The following CSMD1 variants were observed in gnomAD, a reference collection of about 807,000 sequenced individuals.
The protein encoded by CSMD1 is CUB and sushi domain-containing protein 1.
CSMD1 carries 213 observed loss-of-function variants against 417.5 expected under a neutral mutation model. The observed-to-expected ratio is 0.51, with a 90% CI of 0.46 to 0.57. The LOEUF (loss-of-function observed/expected upper bound fraction) is 0.57, where lower values mean the gene tolerates loss of function less well. Ranked by LOEUF, CSMD1 falls within the 20% of genes least tolerant of loss-of-function variation. The pLI is 0.00. For missense variants in CSMD1, 6,923 were observed against 4,529.7 expected (o/e 1.53, Z -15.17); for synonymous variants, 2,862 against 1,736.8 (o/e 1.65, Z -16.11).
chr8:4,969,830 T>G (rs1810122498), intron 1 of CSMD1, among the ~76,000 whole-genome samples: 1 of 152,182 alleles, frequency 6.6e-6, no homozygotes, highest in Middle Eastern at 3.4e-3. Context: ...CAGGCAGTAG[T>G]GAATTTTCTC....
chr8:4,158,331 T>C (rs1796952682), intron 3 of CSMD1, among the ~76,000 whole-genome samples: 1 of 151,966 alleles, frequency 6.6e-6, no homozygotes, highest in Non-Finnish European at 1.5e-5. Context: ...TCATCTCTAC[T>C]GCAAAAATAC....
intron 1 of CSMD1, among the ~76,000 whole-genome samples, chr8:4,962,271 C>T (rs1390211773): frequency 1.3e-5 from 2 of 151,842 alleles, no homozygotes; most frequent in Admixed American, 1.3e-4. Flanking sequence ...AGTACAGTGT[C>T]ACAGTCATAG....
intron 20 of CSMD1, among the ~76,000 whole-genome samples, chr8:3,361,853 C>G (rs1441557755): frequency 6.6e-6 from 1 of 152,092 alleles, no homozygotes; most frequent in Non-Finnish European, 1.5e-5. Context: ...AAGCCTGAAA[C>G]AACACCATGA....
chr8:3,653,597 C>T (rs924165144), intron 7 of CSMD1, among the ~76,000 whole-genome samples: 1 of 152,166 alleles, frequency 6.6e-6, no homozygotes, highest in African/African-American at 2.4e-5. Context: ...GTGTGAGCCA[C>T]CCTGCCTGGC....
chr8:3,961,515 C>G (rs1288406575), intron 5 of CSMD1, among the ~76,000 whole-genome samples: 3 of 152,098 alleles, frequency 2.0e-5, no homozygotes, highest in Non-Finnish European at 4.4e-5. Flanking sequence ...AGATTTTGTT[C>G]TTGCTTTGTG....
intron 3 of CSMD1, among the ~76,000 whole-genome samples, chr8:4,084,287 C>T (rs1440225173): frequency 6.8e-6 from 1 of 147,472 alleles, no homozygotes; most frequent in African/African-American, 2.5e-5. Flanking sequence ...AAAAATCTTT[C>T]AACTTTTATG....
intron 1 of CSMD1, among the ~76,000 whole-genome samples, chr8:4,881,815 T>C (rs1585257503): frequency 2.0e-5 from 3 of 152,070 alleles, no homozygotes; most frequent in Admixed American, 2.0e-4. Context: ...GATTTGGGCC[T>C]ATAAGTAAAA....
chr8:4,232,453 A>C (rs28573165), intron 3 of CSMD1, among the ~76,000 whole-genome samples: 72,448 of 151,938 alleles, frequency 0.48, 18,355 homozygotes, highest in East Asian at 0.71. Flanking sequence ...CCCACCTCAG[A>C]TTCCCAAAGT....
chr8:3,529,136 C>T (rs551892182), intron 10 of CSMD1, among the ~76,000 whole-genome samples: 34 of 152,136 alleles, frequency 2.2e-4, no homozygotes, highest in Non-Finnish European at 4.9e-4. Context: ...TTAAAATATC[C>T]AATTGTGTAG....
chr8:4,071,207 C>T (rs2740870), intron 3 of CSMD1, among the ~76,000 whole-genome samples: 75,024 of 151,792 alleles, frequency 0.49, 20,152 homozygotes, highest in South Asian at 0.67. Flanking sequence ...TTTCTCCTTC[C>T]GGAGTTTCAG....
chr8:3,292,042 G>T (rs1190747566), intron 25 of CSMD1, among the ~76,000 whole-genome samples: 1 of 151,904 alleles, frequency 6.6e-6, no homozygotes, highest in Non-Finnish European at 1.5e-5. Flanking sequence ...GTTCTCGTTG[G>T]TTTCAAAGAA....
intron 12 of CSMD1, among the ~76,000 whole-genome samples, chr8:3,421,931 C>T (rs1330164898): frequency 4.6e-5 from 7 of 151,968 alleles, no homozygotes; most frequent in African/African-American, 1.7e-4. Context: ...AGCCACGGCG[C>T]CCGGCCCCAC....
chr8:4,479,876 G>C (rs897495683), intron 2 of CSMD1, among the ~76,000 whole-genome samples: 2 of 151,458 alleles, frequency 1.3e-5, no homozygotes, highest in African/African-American at 4.9e-5. Flanking sequence ...TGAGGCAGGA[G>C]AATTGCTTGA....
At chr8:4,318,244 G>T (rs192952590) in intron 3 of CSMD1, among the ~76,000 whole-genome samples, 1 of 152,170 alleles carries the variant, frequency 6.6e-6, no homozygotes, top group Admixed American at 6.6e-5. Flanking sequence ...ACTGTAGAAA[G>T]AAATGACACT....
intron 2 of CSMD1, among the ~76,000 whole-genome samples, chr8:4,534,548 T>C (rs1244066148): frequency 1.3e-5 from 2 of 152,138 alleles, no homozygotes; most frequent in Admixed American, 6.6e-5. Flanking sequence ...GTGGTAAGCA[T>C]AGTACCCAAT....
At chr8:3,970,501 T>C (rs1405566111) in intron 5 of CSMD1, among the ~76,000 whole-genome samples, 2 of 152,176 alleles carry the variant, frequency 1.3e-5, no homozygotes, top group Non-Finnish European at 2.9e-5. Flanking sequence ...GTTCACATTC[T>C]TGGTTTTAAG....
Position 4,531,578 on chromosome 8 carries a change from G to A in CSMD1, c.302+105764C>T, listed in dbSNP as rs540999176. ...GTTAAAGTGTTTTGCCAGATGTAAAGTCCTGTATAAGTGTAAGATGCGAGC... is the reference window on the plus strand; with the variant it reads ...GTTAAAGTGTTTTGCCAGATGTAAAATCCTGTATAAGTGTAAGATGCGAGC... On this transcript the variant is annotated intron_variant, in intron 2 of 69. Coordinates refer to ENST00000635120, the MANE Select transcript of CSMD1 (RefSeq NM_033225.6). Among the ~76,000 whole-genome samples the A allele has an allele frequency of 2.1e-3, 314 of 152,290 alleles. 2 individuals carry two copies. Among genetic ancestry groups the A allele is most frequent in the South Asian group, 7.0e-3 (34 of 4,828 alleles).
intron 51 of CSMD1, among the ~76,000 whole-genome samples, chr8:3,021,701 A>ACAGCATCTGGAATGCACCTGCAATCCCG (rs1809414700): frequency 8.6e-6 from 1 of 116,466 alleles, no homozygotes; most frequent in African/African-American, 3.1e-5. Context: ...CTGCAATCCC[A>ACAGCATCTGGAATGCACCTGCAATCCCG]CAGCATCTGG....
intron 7 of CSMD1, among the ~76,000 whole-genome samples, chr8:3,689,129 C>G (rs1331905380): frequency 1.3e-5 from 2 of 152,290 alleles, no homozygotes; most frequent in African/African-American, 4.8e-5. Flanking sequence ...CAACTCCATG[C>G]TTTGGTTTAA....
Sources: allele counts gnomAD v4.1 joint callset (sites outside exome capture counted in the v4.1 genomes callset), GRCh38; gene constraint gnomAD v4.1.1; transcripts MANE v1.5; gene names NCBI Gene and HGNC (gene_info 2026-07-23, HGNC 2026-07-21).